Variants in MPC2 observed in about 807,000 individuals in gnomAD.
MPC2 encodes brain protein 44.
A neutral mutation model predicts 19.2 loss-of-function variants in MPC2; 19 were observed. That is an observed-to-expected ratio of 0.99 (90% CI 0.69 to 1.45). The LOEUF (loss-of-function observed/expected upper bound fraction) is 1.45. MPC2 is among the 40% of genes most tolerant of loss of function. The probability of loss-of-function intolerance (pLI) is 0.00; values close to 1 mark genes in which losing one functional copy is unlikely to be tolerated. For missense variants in MPC2, 122 were observed against 153.0 expected, an observed-to-expected ratio of 0.80 and a Z score of 1.07; for synonymous variants, 61 against 54.3, an observed-to-expected ratio of 1.12 and a Z score of -0.54.
chr1:167,921,378 T>C (rs1670596694), intron 3 of MPC2, among the ~76,000 whole-genome samples: 1 of 151,996 alleles, frequency 6.6e-6, no homozygotes, highest in Non-Finnish European at 1.5e-5. Context: ...TGTGCCAATA[T>C]GCCTGGCTAA....
chr1:167,930,673 C>CTTAATTT, intron 2 of MPC2, among the ~76,000 whole-genome samples: 1 of 152,314 alleles, frequency 6.6e-6, no homozygotes, highest in South Asian at 2.1e-4. Context: ...ATTTGTCTTA[C>CTTAATTT]ACTCAGGAGA....
intron 1 of MPC2, 135 bp from the exon 2 acceptor site, chr1:167,936,033 A>AG: frequency 3.3e-6 from 2 of 600,612 alleles, no homozygotes. Flanking sequence ...GCGAAGGTTG[A>AG]GGGGGCGGAG....
In MPC2 at chr1:167,936,977, G is replaced by A. The variant is rs1322802778; in HGVS notation, c.-96C>T. 1 of 1,610,994 alleles carries A rather than the reference G, an allele frequency of 6.2e-7. No individual in the cohort carries two copies. The highest frequency in any genetic ancestry group is 8.5e-7 in the Non-Finnish European group (1 of 1,179,210). ...TGAGGAAAAGGTCCCTCGGGCTGGA[G>A]GACCCGTCCCGGCTGCGGAGTCGCT... On this transcript the variant is annotated 5_prime_UTR_variant, in exon 1 of 6. Coordinates refer to ENST00000271373, the MANE Select transcript of MPC2 (RefSeq NM_001143674.4).
At chr1:167,933,239 C>G (rs1485348785) in intron 2 of MPC2, among the ~76,000 whole-genome samples, 8 of 150,304 alleles carry the variant, frequency 5.3e-5, no homozygotes, top group Non-Finnish European at 1.5e-5. Flanking sequence ...ACGATCTTGG[C>G]TAACTGCAAC....
intron 2 of MPC2, 24 bp from the exon 3 acceptor site, chr1:167,924,561 A>C (rs1571510176): frequency 6.7e-7 from 1 of 1,490,186 alleles, no homozygotes; most frequent in East Asian, 2.4e-5. Context: ...GAAAAGAAAA[A>C]TTCAGGAATA....
Position 167,920,629 on chromosome 1 carries a change from C to T in MPC2, c.153G>A (p.Gly51=), listed in dbSNP as rs1208842210. ...VFFWAPIMKW[G]LVCAGLADMA... is the part of the protein sequence containing the mutation. Reference sequence around the variant, plus strand: ...TATCAGCCAATCCAGCACACACCAACCCCTACACATTAACGCATAGAAAGA... The same window carrying T: ...TATCAGCCAATCCAGCACACACCAATCCCTACACATTAACGCATAGAAAGA... Residue 51 remains glycine, a splice_region_variant and synonymous_variant, in exon 4 of 6, where the codon GGG becomes GGA. Transcript: ENST00000271373. The T allele has an allele frequency of 6.2e-7, 1 of 1,612,092 alleles. No homozygotes were observed. The highest frequency in any genetic ancestry group is 2.2e-5 in the East Asian group (1 of 44,734).
At chr1:167,931,093 A>T (rs570699388) in intron 2 of MPC2, among the ~76,000 whole-genome samples, 1 of 152,246 alleles carries the variant, frequency 6.6e-6, no homozygotes, top group East Asian at 1.9e-4. Flanking sequence ...CACCATGCCC[A>T]GCTAAATTTC....
chr1:167,936,474 G>A (rs758213205), intron 1 of MPC2: 1 of 186,576 alleles, frequency 5.4e-6, no homozygotes, highest in African/African-American at 2.4e-5. Flanking sequence ...GCGACTTAAG[G>A]ATCTGGTTAG....
At chr1:167,920,348 A>G (rs561064639) in intron 4 of MPC2, among the ~76,000 whole-genome samples, 199 bp downstream of exon 4, 17 of 152,320 alleles carry the variant, frequency 1.1e-4, no homozygotes, top group African/African-American at 4.1e-4. Context: ...CAAAAACCTG[A>G]AAAGCAAAAG....
At chr1:167,931,103 C>A (rs546756839) in intron 2 of MPC2, among the ~76,000 whole-genome samples, 1 of 152,258 alleles carries the variant, frequency 6.6e-6, no homozygotes, top group African/African-American at 2.4e-5. Context: ...AGCTAAATTT[C>A]GTATTTTTAG....
intron 4 of MPC2, 87 bp from the exon 5 acceptor site, chr1:167,920,177 A>G: frequency 6.1e-6 from 5 of 819,300 alleles, no homozygotes; most frequent in Non-Finnish European, 9.9e-6. Flanking sequence ...AGTAATTACA[A>G]CAATAATGTA....
chr1:167,934,755 T>C (rs186681905), intron 2 of MPC2, among the ~76,000 whole-genome samples: 3 of 152,318 alleles, frequency 2.0e-5, no homozygotes, highest in African/African-American at 7.2e-5. Flanking sequence ...GGGTAGCACT[T>C]CAGTCTTTCA....
At position 167,923,009 on chromosome 1, in the gene MPC2, T is replaced by C. The variant is rs570710554; in HGVS notation, c.150+1488A>G. On this transcript the variant is annotated intron_variant, in intron 3 of 5. Transcript: ENST00000271373. ...TAAAAACAAAGATATCTAACACCCA[T>C]TAGGTGCCTATCATAAAAACAAAAA... 4.6e-5 allele frequency among the ~76,000 whole-genome samples: 7 copies of C among 152,240 alleles called. 1 individual carries two copies. The South Asian group carries it at 1.4e-3, about 32-fold the overall frequency.
intron 2 of MPC2, among the ~76,000 whole-genome samples, chr1:167,928,986 T>C (rs1670829290): frequency 6.6e-6 from 1 of 152,252 alleles, no homozygotes; most frequent in South Asian, 2.1e-4. Flanking sequence ...TCATCTTGTT[T>C]CTTTGAACAG....
chr1:167,918,220 CT>C lies in MPC2; in HGVS notation c.*102del, dbSNP rs1670512873. 1.1e-6 allele frequency: 1 copy of C among 914,444 alleles called. No individual in the cohort carries two copies. The highest frequency in any genetic ancestry group is 1.8e-5 in the South Asian group (1 of 56,532). 56.6% of individuals were successfully genotyped at this position (914,444 alleles called of 1,614,324 possible). Reference sequence around the variant, plus strand: ...AAGAACTAGCTACCAGTTACAGTGCCTTCTAAACACACAGTTAGCTTTGCTT... The same window carrying C: ...AAGAACTAGCTACCAGTTACAGTGCCTCTAAACACACAGTTAGCTTTGCTT... On this transcript the variant is annotated 3_prime_UTR_variant, in exon 6 of 6. Transcript: ENST00000271373.
At chr1:167,935,950 G>T in intron 1 of MPC2, 52 bp from the exon 2 acceptor site, 2 of 819,412 alleles carry the variant, frequency 2.4e-6, no homozygotes, top group Non-Finnish European at 4.0e-6. Flanking sequence ...ACTCGCGTCC[G>T]CCTCTCGCCT....
chr1:167,935,888 C>T lies in MPC2; in HGVS notation c.-47G>A. 7.0e-7 allele frequency: 1 copy of T among 1,424,058 alleles called. No individual in the cohort carries two copies. Among genetic ancestry groups the T allele is most frequent in the Non-Finnish European group, 9.7e-7 (1 of 1,033,586 alleles). 88.2% of individuals were successfully genotyped at this position (1,424,058 alleles called of 1,614,324 possible). ...AGCCGGGTGGGAGCGTGGCTGTGTT[C>T]TCGTCCCTGGCTGACAACGAAGGGG... On this transcript the variant is annotated 5_prime_UTR_variant, in exon 2 of 6. Transcript: ENST00000271373.
chr1:167,919,958 A>G (rs1414593468), intron 5 of MPC2, 21 bp downstream of exon 5: 1 of 1,572,670 alleles, frequency 6.4e-7, no homozygotes, highest in Non-Finnish European at 8.6e-7. Flanking sequence ...ACAGTTTTAA[A>G]AATATCTCTG....
At chr1:167,928,911 A>G (rs1187531918) in intron 2 of MPC2, among the ~76,000 whole-genome samples, 1 of 152,254 alleles carries the variant, frequency 6.6e-6, no homozygotes, top group Non-Finnish European at 1.5e-5. Context: ...TTATAGCCCA[A>G]GATGAAAGAA....
Sources: allele counts gnomAD v4.1 joint callset (sites outside exome capture counted in the v4.1 genomes callset), GRCh38; gene constraint gnomAD v4.1.1; transcripts MANE v1.5; gene names NCBI Gene and HGNC (gene_info 2026-07-23, HGNC 2026-07-21).